RACK1: variants seen among roughly 807,000 people sequenced by gnomAD.
RACK1 encodes receptor for activated C kinase 1.
RACK1 carries 3 observed loss-of-function variants against 42.2 expected under a neutral mutation model. The ratio of observed to expected loss-of-function variants is 0.07; its 90% CI spans 0.03 to 0.18. The LOEUF (loss-of-function observed/expected upper bound fraction) is 0.18. Ranked by LOEUF, RACK1 falls within the 10% of genes least tolerant of loss-of-function variation. RACK1 has a pLI of 1.00. For missense variants in RACK1, 146 were observed against 403.2 expected (o/e 0.36, Z 5.46); for synonymous variants, 181 against 154.8 (o/e 1.17, Z -1.25).
At position 181,237,655 on chromosome 5, in the gene RACK1, G is replaced by A. The variant is rs1168730374; in HGVS notation, c.842C>T (p.Ala281Val). 6.2e-7 allele frequency: 1 copy of A among 1,612,760 alleles called. No homozygotes were observed. The highest frequency in any genetic ancestry group is 8.5e-7 in the Non-Finnish European group (1 of 1,178,696). The change falls in exon 7 of 8, where the codon GCA (alanine) becomes GTA (valine). Residue 281 changes from alanine to valine, a missense_variant. Physicochemically the swap from Ala to Val is moderately conservative, Grantham distance 64 (BLOSUM62 0). Coordinates refer to ENST00000512805, the MANE Select transcript of RACK1 (RefSeq NM_006098.5). ...CAGGGAGGTGCACTGGGGTGGTTCT[G>A]CCTTGCTGCTGGTACTGATAACTTC... is the stretch of plus-strand genomic sequence containing the variant. ...KQEVISTSSK[A>V]EPPQCTSLAW... is the part of the protein sequence containing the mutation.
intron 5 of RACK1, chr5:181,238,836 A>C: frequency 1.9e-6 from 1 of 523,934 alleles, no homozygotes; most frequent in Non-Finnish European, 3.5e-6. Context: ...AAAAAACAAC[A>C]AAAAAAACCC....
chr5:181,237,579 A>G (rs780454789), intron 7 of RACK1, 30 bp downstream of exon 7: 2 of 1,092,518 alleles, frequency 1.8e-6, no homozygotes, highest in African/African-American at 3.1e-5. Context: ...AACTGGAAGC[A>G]GAATCACCTG....
At chr5:181,242,685 G>C (rs1303418407) in intron 1 of RACK1, 3 of 373,250 alleles carry the variant, frequency 8.0e-6, no homozygotes, top group Non-Finnish European at 1.6e-5. Context: ...AGCCTCCCAA[G>C]TAGCTGGGAT....
rs778246907 is a variant in RACK1 at position 181,239,479 on chromosome 5, A to C, written c.525+8T>G. On this transcript the variant is annotated splice_region_variant and intron_variant, in intron 4 of 7. Coordinates refer to ENST00000512805, the MANE Select transcript of RACK1 (RefSeq NM_006098.5). ...CTGGTAAAGCCCCTGCCTTGGCTTG[A>C]CGCTCACCTTGACCAGCTTGTCCCA... 2.5e-6 allele frequency: 4 copies of C among 1,605,734 alleles called. No homozygotes were observed. The highest frequency in any genetic ancestry group is 3.4e-6 in the Non-Finnish European group (4 of 1,172,544).
chr5:181,238,271 T>C (rs370505076), intron 5 of RACK1, 32 bp from the exon 6 acceptor site: 194 of 1,609,480 alleles, frequency 1.2e-4, no homozygotes, highest in Non-Finnish European at 1.6e-4. Context: ...CAGGACACTG[T>C]GACCTCTTCC....
At chr5:181,242,003 A>G in intron 2 of RACK1, 171 bp downstream of exon 2, 1 of 785,462 alleles carries the variant, frequency 1.3e-6, no homozygotes, top group East Asian at 2.4e-5. Context: ...CTCCTCAGCA[A>G]TGCTGAGTAA....
At chr5:181,241,684 C>T (rs1759350622) in intron 2 of RACK1, 45 bp from the exon 3 acceptor site, 4 of 1,598,734 alleles carry the variant, frequency 2.5e-6, no homozygotes, top group Non-Finnish European at 2.6e-6. Context: ...CAAACACTCT[C>T]ATTCAACGGT....
chr5:181,237,745 T>C (rs1448362832), intron 6 of RACK1, 26 bp from the exon 7 acceptor site: 1 of 1,193,570 alleles, frequency 8.4e-7, no homozygotes, highest in Non-Finnish European at 1.2e-6. Flanking sequence ...AAAGCAACCT[T>C]AAGACTTACC....
intron 2 of RACK1, 38 bp downstream of exon 2, chr5:181,242,136 C>T (rs17657699): frequency 0.14 from 225,874 of 1,576,650 alleles, 17,176 homozygotes; most frequent in Non-Finnish European, 0.16. Context: ...TGCCCAGATT[C>T]TTCCCAAGGC....
intron 1 of RACK1, 102 bp downstream of exon 1, chr5:181,243,590 G>T: frequency 1.4e-6 from 2 of 1,460,646 alleles, no homozygotes; most frequent in Non-Finnish European, 1.9e-6. Context: ...CCGCCAACTC[G>T]CGCGCCACCG....
intron 7 of RACK1, 48 bp from the exon 8 acceptor site, chr5:181,237,090 C>CCT: frequency 6.2e-7 from 1 of 1,609,564 alleles, no homozygotes; most frequent in East Asian, 2.2e-5. Context: ...ATAAATTCTG[C>CCT]AGTCTCACTA....
chr5:181,240,278 C>T (rs1759291411), intron 3 of RACK1: 1 of 161,200 alleles, frequency 6.2e-6, no homozygotes, highest in Non-Finnish European at 1.4e-5. Flanking sequence ...TGGCGTGAAC[C>T]CGGGAAGCAG....
In RACK1 at chr5:181,242,341, C is replaced by T. The variant is rs1264142792; in HGVS notation, c.114G>A (p.Lys38=). The T allele has an allele frequency of 3.7e-6, 6 of 1,610,576 alleles. No individual in the cohort carries two copies. The Admixed American group carries it at 1.0e-4, about 27-fold the overall frequency. ...TGGTCAGTTTCCACATGATGATGGT[C>T]TTATCTAAAGGAGGTAAAACAGAAG... The part of the protein sequence containing the change: ...PDMILSASRD[K]TIIMWKLTRD... Residue 38 remains lysine (K), a synonymous_variant, in exon 2 of 8, where the codon AAG becomes AAA. Coordinates refer to ENST00000512805, the MANE Select transcript of RACK1 (RefSeq NM_006098.5).
chr5:181,237,214 G>C (rs1002026664), intron 7 of RACK1, 172 bp from the exon 8 acceptor site: 14 of 1,297,208 alleles, frequency 1.1e-5, no homozygotes. Flanking sequence ...CAGTTCAAGA[G>C]ATCCTCCCAC....
chr5:181,236,941 G>C lies in RACK1; in HGVS notation c.*36C>G. ...AAAAACCTAAAAGTCAGAAAAGCCAGTTTTTTTTTTATTTGTAAAGCTCTG... is the reference window on the plus strand; with the variant it reads ...AAAAACCTAAAAGTCAGAAAAGCCACTTTTTTTTTTATTTGTAAAGCTCTG... On this transcript the variant is annotated 3_prime_UTR_variant, in exon 8 of 8. Coordinates refer to ENST00000512805, the MANE Select transcript of RACK1 (RefSeq NM_006098.5). 1.5e-6 allele frequency: 2 copies of C among 1,371,372 alleles called. No individual in the cohort carries two copies. Among genetic ancestry groups the C allele is most frequent in the Admixed American group, 4.8e-5 (2 of 41,722 alleles). 85.0% of individuals were successfully genotyped at this position (1,371,372 alleles called of 1,614,324 possible).
chr5:181,239,230 G>C, intron 4 of RACK1, 53 bp from the exon 5 acceptor site: 1 of 1,217,248 alleles, frequency 8.2e-7, no homozygotes, highest in South Asian at 1.2e-5. Context: ...ATGAGCTAGG[G>C]TCAGGCCCAA....
At chr5:181,239,383 A>C (rs374490266) in intron 4 of RACK1, 104 bp downstream of exon 4, 6 of 840,270 alleles carry the variant, frequency 7.1e-6, no homozygotes, top group African/African-American at 3.3e-5. Context: ...CAAGAGAAAG[A>C]GTCAACTGAG....
Position 181,237,647 on chromosome 5 carries a change from G to A in RACK1, c.850C>T (p.Pro284Ser), listed in dbSNP as rs201194486. 6.2e-7 allele frequency: 1 copy of A among 1,611,720 alleles called. No individual in the cohort carries two copies. Among genetic ancestry groups the A allele is most frequent in the East Asian group, 2.2e-5 (1 of 44,868 alleles). The change falls in exon 7 of 8, where the codon CCC (proline) becomes TCC (serine). Residue 284 changes from proline to serine, a missense_variant. Pro to Ser is a moderately conservative substitution (Grantham distance 74, BLOSUM62 -1). Coordinates refer to ENST00000512805, the MANE Select transcript of RACK1 (RefSeq NM_006098.5). The stretch of plus-strand genomic sequence containing the variant: ...GACCAGGCCAGGGAGGTGCACTGGG[G>A]TGGTTCTGCCTTGCTGCTGGTACTG... ...VISTSSKAEP[P>S]QCTSLAWSAD...
At position 181,243,898 on chromosome 5, in the gene RACK1, G is replaced by A. The variant is rs41285573; in HGVS notation, c.-98C>T. 3 of 1,452,534 alleles carry A rather than the reference G, an allele frequency of 2.1e-6. No individual in the cohort carries two copies. The highest frequency in any genetic ancestry group is 2.6e-5 in the East Asian group (1 of 38,830). The allele number at this position is 1,452,534 out of a possible 1,614,324, so 90.0% of individuals were successfully genotyped here. A position where few individuals can be genotyped will look rare whatever the true frequency, so the allele number is the denominator to read the frequency against. ...ACCTCTCCTGCCGCCGCCTTGCAGTGAAAGAGAGAGAGAAAAGCCCCCCGC... is the reference window on the plus strand; with the variant it reads ...ACCTCTCCTGCCGCCGCCTTGCAGTAAAAGAGAGAGAGAAAAGCCCCCCGC... On this transcript the variant is annotated 5_prime_UTR_variant, in exon 1 of 8. Coordinates refer to ENST00000512805, the MANE Select transcript of RACK1 (RefSeq NM_006098.5).
Sources: gnomAD v4.1 joint callset for allele counts on GRCh38, gnomAD v4.1.1 for gene constraint, MANE v1.5 for transcripts, NCBI Gene and HGNC (gene_info 2026-07-23, HGNC 2026-07-21) for gene names.